Variants in TBC1D5 observed in about 807,000 individuals in gnomAD.
TBC1D5 encodes the protein TBC1 domain family member 5, also known as TBC1 domain family, member 5.
TBC1D5 carries 75 observed loss-of-function variants against 100.3 expected under a neutral mutation model. The observed-to-expected ratio is 0.75, with a 90% CI of 0.62 to 0.91. TBC1D5 has a LOEUF of 0.91. Among genes scored for constraint, TBC1D5 ranks in the 40% least tolerant of loss-of-function variants. The probability of loss-of-function intolerance (pLI) is 0.00; values close to 1 mark genes in which losing one functional copy is unlikely to be tolerated. For missense variants in TBC1D5, 910 were observed against 942.4 expected (o/e 0.97, Z 0.45); for synonymous variants, 323 against 325.6 (o/e 0.99, Z 0.09).
intron 1 of TBC1D5, among the ~76,000 whole-genome samples, chr3:17,729,734 C>G (rs545329642): frequency 1.3e-5 from 2 of 151,906 alleles, no homozygotes; most frequent in Admixed American, 1.3e-4. Flanking sequence ...AATTAGGAAA[C>G]CATCTGAATA....
chr3:17,546,072 T>A (rs2096411761), intron 2 of TBC1D5, among the ~76,000 whole-genome samples: 1 of 152,072 alleles, frequency 6.6e-6, no homozygotes, highest in Non-Finnish European at 1.5e-5. Context: ...AGAGTAACAA[T>A]ATCATAAATT....
At chr3:17,307,656 A>C (rs955756913) in intron 14 of TBC1D5, among the ~76,000 whole-genome samples, 1 of 152,194 alleles carries the variant, frequency 6.6e-6, no homozygotes, top group Non-Finnish European at 1.5e-5. Flanking sequence ...CAGAAGGTGG[A>C]GCTCTAAACA....
intron 18 of TBC1D5, among the ~76,000 whole-genome samples, chr3:17,201,843 A>T (rs964754829): frequency 2.0e-5 from 3 of 152,194 alleles, no homozygotes; most frequent in Non-Finnish European, 4.4e-5. Flanking sequence ...GAGCCAATTA[A>T]ATCTTTTCTT....
intron 19 of TBC1D5, among the ~76,000 whole-genome samples, chr3:17,169,674 TTC>T (rs2066976507): frequency 6.6e-6 from 1 of 152,318 alleles, no homozygotes; most frequent in African/African-American, 2.4e-5. Flanking sequence ...TAACAATTTC[TTC>T]TCTCTCAATA....
At chr3:17,238,743 G>A (rs1447126061) in intron 16 of TBC1D5, among the ~76,000 whole-genome samples, 1 of 152,086 alleles carries the variant, frequency 6.6e-6, no homozygotes, top group Non-Finnish European at 1.5e-5. Context: ...TAGAGAAGAA[G>A]TATATTAATC....
intron 1 of TBC1D5, among the ~76,000 whole-genome samples, chr3:17,683,874 G>C (rs1178378872): frequency 6.6e-6 from 1 of 152,112 alleles, no homozygotes; most frequent in Non-Finnish European, 1.5e-5. Context: ...TATTATAAAA[G>C]TCTACATTAA....
At chr3:17,635,474 G>A (rs1052588322) in intron 1 of TBC1D5, among the ~76,000 whole-genome samples, 2 of 151,660 alleles carry the variant, frequency 1.3e-5, no homozygotes, top group African/African-American at 2.4e-5. Flanking sequence ...TGAGGTCAGG[G>A]GTTTGAAACC....
intron 1 of TBC1D5, among the ~76,000 whole-genome samples, chr3:17,681,767 T>C (rs2069506091): frequency 6.6e-6 from 1 of 151,498 alleles, no homozygotes; most frequent in Non-Finnish European, 1.5e-5. Flanking sequence ...TTGGTTCAGG[T>C]AGGTGGCCTG....
intron 2 of TBC1D5, among the ~76,000 whole-genome samples, chr3:17,530,425 A>T (rs952463394): frequency 6.6e-6 from 1 of 152,124 alleles, no homozygotes; most frequent in Admixed American, 6.5e-5. Context: ...AGAGGGAGTG[A>T]CCATAATTTA....
At chr3:17,608,262 C>G (rs540647344) in intron 2 of TBC1D5, among the ~76,000 whole-genome samples, 1 of 151,652 alleles carries the variant, frequency 6.6e-6, no homozygotes, top group Admixed American at 6.6e-5. Context: ...GTCTCAAAAA[C>G]GAAAACAAAA....
intron 2 of TBC1D5, among the ~76,000 whole-genome samples, chr3:17,561,526 C>G (rs998734882): frequency 1.3e-5 from 2 of 151,942 alleles, no homozygotes; most frequent in South Asian, 2.1e-4. Context: ...ATAAAATAGA[C>G]TAAATTTTGA....
rs372572653 is a variant in TBC1D5, at chr3:17,290,944, A to G, written c.1245+951T>C. ...TCAATCAAAGAATAAAGGATATACTAAAAGGTTGAAGTCAACAACCAAGGA... is the reference window on the plus strand; with the variant it reads ...TCAATCAAAGAATAAAGGATATACTGAAAGGTTGAAGTCAACAACCAAGGA... On this transcript the variant is annotated intron_variant, in intron 15 of 21. Transcript: ENST00000253692. Among the ~76,000 whole-genome samples the G allele has an allele frequency of 4.1e-4, 63 of 152,362 alleles. 2 individuals carry two copies. The South Asian group carries it at 9.3e-3, about 23-fold the overall frequency.
At position 17,160,691 on chromosome 3, in the gene TBC1D5, G is replaced by T. The variant is rs184431583; in HGVS notation, c.*272C>A. On this transcript the variant is annotated 3_prime_UTR_variant, in exon 22 of 22. Coordinates refer to ENST00000253692, the Ensembl canonical transcript of TBC1D5. ...TTTCTAACTGTGAGTGTGATACTGG[G>T]TACGTAACTCAGCTCTAACTCAGAG... 1.1e-4 allele frequency: 48 copies of T among 436,270 alleles called. 2 individuals carry two copies. The East Asian group carries it at 1.5e-3, about 14-fold the overall frequency. The allele number at this position is 436,270 out of a possible 1,614,324, so 27.0% of individuals were successfully genotyped here.
chr3:17,270,804 T>C (rs899682925), intron 15 of TBC1D5, among the ~76,000 whole-genome samples: 7 of 152,060 alleles, frequency 4.6e-5, no homozygotes, highest in Non-Finnish European at 1.0e-4. Flanking sequence ...ATGGTGAAGG[T>C]AGGAGTCCAG....
intron 2 of TBC1D5, among the ~76,000 whole-genome samples, chr3:17,577,288 A>G (rs960765556): frequency 6.6e-6 from 1 of 152,042 alleles, no homozygotes; most frequent in Admixed American, 6.6e-5. Flanking sequence ...AAAAATGCAA[A>G]AGCAAACTAC....
intron 13 of TBC1D5, among the ~76,000 whole-genome samples, chr3:17,315,977 T>C (rs1051640180): frequency 2.0e-5 from 3 of 152,076 alleles, no homozygotes; most frequent in African/African-American, 7.2e-5. Flanking sequence ...GTTGGTCCTG[T>C]GGTGGAAGCA....
chr3:17,285,294 TCTGTCGCC>T (rs1197719184), intron 15 of TBC1D5, among the ~76,000 whole-genome samples: 2 of 133,316 alleles, frequency 1.5e-5, no homozygotes, highest in African/African-American at 5.6e-5. Context: ...GGAGTCTCGC[TCTGTCGCC>T]CAGGCTGGAG....
intron 16 of TBC1D5, among the ~76,000 whole-genome samples, chr3:17,245,734 A>G (rs1427050304): frequency 6.6e-6 from 1 of 152,224 alleles, no homozygotes; most frequent in Non-Finnish European, 1.5e-5. Flanking sequence ...CAAGATATAC[A>G]TATAGGAAAA....
At chr3:17,611,957 T>C (rs2061701169) in intron 2 of TBC1D5, among the ~76,000 whole-genome samples, 4 of 152,162 alleles carry the variant, frequency 2.6e-5, no homozygotes, top group South Asian at 2.1e-4. Context: ...ATTCTGAATA[T>C]TATTTGTTGA....
Sources: allele counts gnomAD v4.1 joint callset (sites outside exome capture counted in the v4.1 genomes callset), GRCh38; gene constraint gnomAD v4.1.1; transcripts MANE v1.5; gene names NCBI Gene and HGNC (gene_info 2026-07-23, HGNC 2026-07-21).